The following ARL15 variants were observed in gnomAD, a reference collection of about 807,000 sequenced individuals.
ARL15 encodes ARF like GTPase 15, also known as ADP-ribosylation factor-like protein 15.
Under a neutral mutation model 25.2 loss-of-function variants are expected in ARL15, and 19 were observed. The ratio of observed to expected loss-of-function variants is 0.75; its 90% CI spans 0.53 to 1.10. ARL15 has a LOEUF of 1.10. Among genes scored for constraint, ARL15 ranks in the 50% least tolerant of loss-of-function variants. The probability of loss-of-function intolerance (pLI) is 0.00; values close to 1 mark genes in which losing one functional copy is unlikely to be tolerated. For missense variants in ARL15, 220 were observed against 246.0 expected (o/e 0.89, Z 0.71); for synonymous variants, 94 against 86.8 (o/e 1.08, Z -0.46).
chr5:54,024,830 G>A (rs73112636), intron 4 of ARL15, among the ~76,000 whole-genome samples: 2,502 of 151,826 alleles, frequency 0.016, 75 homozygotes, highest in African/African-American at 0.057. Flanking sequence ...TACTCACAAA[G>A]TATAACATAT....
At chr5:54,055,416 T>C (rs1750837536) in intron 4 of ARL15, among the ~76,000 whole-genome samples, 1 of 143,370 alleles carries the variant, frequency 7.0e-6, no homozygotes, top group Non-Finnish European at 1.5e-5. Context: ...GCTGGAGTGC[T>C]GTGGCGTGAT....
At chr5:54,165,848 C>T (rs747752823) in intron 2 of ARL15, among the ~76,000 whole-genome samples, 2 of 151,696 alleles carry the variant, frequency 1.3e-5, no homozygotes, top group Non-Finnish European at 1.5e-5. Flanking sequence ...GGCTGGAGAC[C>T]CAGGAAAGAA....
intron 1 of ARL15, among the ~76,000 whole-genome samples, chr5:54,221,813 G>A (rs1441429333): frequency 7.2e-6 from 1 of 138,904 alleles, no homozygotes; most frequent in African/African-American, 2.7e-5. Flanking sequence ...TAGGTTATTT[G>A]GCAAGAAACA....
At chr5:53,938,637 C>A (rs889653497) in intron 4 of ARL15, among the ~76,000 whole-genome samples, 4 of 152,294 alleles carry the variant, frequency 2.6e-5, no homozygotes, top group African/African-American at 7.2e-5. Flanking sequence ...ACCAGCCTGG[C>A]CAACATGGCA....
chr5:53,992,831 T>C (rs111423662), intron 4 of ARL15, among the ~76,000 whole-genome samples: 27,270 of 141,892 alleles, frequency 0.19, 2,777 homozygotes, highest in East Asian at 0.46. Flanking sequence ...GAGGCCGAGG[T>C]GGGTCGGGAG....
At chr5:53,979,410 G>A (rs759959594) in intron 4 of ARL15, among the ~76,000 whole-genome samples, 13 of 152,096 alleles carry the variant, frequency 8.5e-5, no homozygotes, top group Non-Finnish European at 1.9e-4. Context: ...ATGGTGGTAT[G>A]TGCCTGTAGT....
intron 1 of ARL15, among the ~76,000 whole-genome samples, chr5:54,188,976 C>A (rs2112451632): frequency 6.6e-6 from 1 of 152,218 alleles, no homozygotes; most frequent in South Asian, 2.1e-4. Context: ...AGGTTCATGT[C>A]ACTGGCAAAG....
chr5:54,024,983 A>G (rs1305916927), intron 4 of ARL15, among the ~76,000 whole-genome samples: 2 of 152,200 alleles, frequency 1.3e-5, no homozygotes, highest in East Asian at 3.8e-4. Context: ...TAGGTTTTAT[A>G]TGTCTATTTG....
chr5:54,071,902 G>A (rs1309468597), intron 4 of ARL15, among the ~76,000 whole-genome samples: 4 of 151,462 alleles, frequency 2.6e-5, no homozygotes, highest in African/African-American at 9.7e-5. Flanking sequence ...GAACCTGGGA[G>A]GTGGAGGTTG....
chr5:54,105,185 G>A (rs1752552046), intron 4 of ARL15, among the ~76,000 whole-genome samples: 1 of 151,852 alleles, frequency 6.6e-6, no homozygotes, highest in Non-Finnish European at 1.5e-5. Flanking sequence ...GTAAGCTATG[G>A]AATGTGTAGT....
intron 4 of ARL15, among the ~76,000 whole-genome samples, chr5:54,079,642 A>G (rs1351650783): frequency 6.6e-6 from 1 of 152,130 alleles, no homozygotes; most frequent in Non-Finnish European, 1.5e-5. Context: ...ACTGTATTAG[A>G]ACACCAAAAA....
intron 1 of ARL15, among the ~76,000 whole-genome samples, chr5:54,224,343 A>T (rs1756460908): frequency 6.6e-6 from 1 of 152,206 alleles, no homozygotes; most frequent in African/African-American, 2.4e-5. Context: ...AGGCACAGGA[A>T]ATGAGGAAAT....
At chr5:54,233,097 T>G (rs376112945) in intron 1 of ARL15, among the ~76,000 whole-genome samples, 7 of 152,318 alleles carry the variant, frequency 4.6e-5, no homozygotes, top group African/African-American at 1.7e-4. Context: ...CCAGCTGCCA[T>G]TGTGTTTTAC....
At chr5:54,273,447 T>C (rs1757843521) in intron 1 of ARL15, among the ~76,000 whole-genome samples, 1 of 152,196 alleles carries the variant, frequency 6.6e-6, no homozygotes, top group Non-Finnish European at 1.5e-5. Context: ...AAAGAAATTC[T>C]GCAAAATAAC....
At chr5:54,219,141 C>T (rs1756302937) in intron 1 of ARL15, among the ~76,000 whole-genome samples, 1 of 152,078 alleles carries the variant, frequency 6.6e-6, no homozygotes, top group Non-Finnish European at 1.5e-5. Context: ...CTGAAAACCC[C>T]AGACATAAAG....
intron 3 of ARL15, among the ~76,000 whole-genome samples, chr5:54,130,355 T>C (rs1239251156): frequency 6.6e-6 from 1 of 152,236 alleles, no homozygotes; most frequent in Non-Finnish European, 1.5e-5. Flanking sequence ...AGCACTCTCT[T>C]TCCTAATGCA....
At chr5:53,960,558 A>G (rs1747329127) in intron 4 of ARL15, among the ~76,000 whole-genome samples, 1 of 152,194 alleles carries the variant, frequency 6.6e-6, no homozygotes, top group South Asian at 2.1e-4. Context: ...TTCAAGGTTG[A>G]TCTCTCTTGT....
At chr5:53,945,292 T>C (rs1004590642) in intron 4 of ARL15, among the ~76,000 whole-genome samples, 2 of 152,242 alleles carry the variant, frequency 1.3e-5, no homozygotes, top group African/African-American at 4.8e-5. Flanking sequence ...AACACGGACA[T>C]GTTTGTCGTT....
intron 1 of ARL15, among the ~76,000 whole-genome samples, chr5:54,191,796 C>T (rs1433258164): frequency 6.6e-6 from 1 of 152,146 alleles, no homozygotes; most frequent in Non-Finnish European, 1.5e-5. Flanking sequence ...TTCACTCAAA[C>T]CTCCGTATAG....
Sources: gnomAD v4.1 joint callset for allele counts (sites outside exome capture counted in the v4.1 genomes callset) on GRCh38, gnomAD v4.1.1 for gene constraint, MANE v1.5 for transcripts, NCBI Gene and HGNC (gene_info 2026-07-23, HGNC 2026-07-21) for gene names.